The following ATP2B2 variants were observed in gnomAD, a reference collection of about 807,000 sequenced individuals.
ATP2B2 encodes the protein ATPase plasma membrane Ca2+ transporting 2, also known as plasma membrane calcium-transporting ATPase 2.
ATP2B2 carries 15 observed loss-of-function variants against 120.0 expected under a neutral mutation model. The observed-to-expected ratio is 0.12, with a 90% CI of 0.08 to 0.19. The LOEUF is 0.19. Among genes scored for constraint, ATP2B2 ranks in the 10% least tolerant of loss-of-function variants. The pLI, the probability that ATP2B2 is intolerant of heterozygous loss-of-function variation, is 1.00. For missense variants in ATP2B2, 1,045 were observed against 1,719.8 expected (o/e 0.61, Z 6.94); for synonymous variants, 694 against 700.3 (o/e 0.99, Z 0.14).
chr3:10,553,853 G>A (rs921168700), intron 2 of ATP2B2, among the ~76,000 whole-genome samples: 2 of 152,046 alleles, frequency 1.3e-5, no homozygotes, highest in African/African-American at 4.8e-5. Context: ...GCGGCCCTAT[G>A]ACCTCATGAG....
chr3:10,444,096 T>C (rs2063756381), intron 2 of ATP2B2, among the ~76,000 whole-genome samples: 1 of 152,220 alleles, frequency 6.6e-6, no homozygotes, highest in African/African-American at 2.4e-5. Context: ...GACAGAGTCC[T>C]GGGCCTTAGA....
At chr3:10,417,067 G>GGGGGT (rs2062812631) in intron 2 of ATP2B2, among the ~76,000 whole-genome samples, 1 of 136,552 alleles carries the variant, frequency 7.3e-6, no homozygotes, top group African/African-American at 3.5e-5. Flanking sequence ...CCCAGACGGC[G>GGGGGT]GCGGGGGGGG....
intron 12 of ATP2B2, among the ~76,000 whole-genome samples, chr3:10,361,171 G>A (rs1482493382): frequency 2.6e-5 from 4 of 152,144 alleles, no homozygotes; most frequent in Non-Finnish European, 4.4e-5. Context: ...TTGAACCAAT[G>A]GAAACTGCTA....
At chr3:10,679,518 G>C (rs2071330638) in intron 1 of ATP2B2, among the ~76,000 whole-genome samples, 1 of 152,188 alleles carries the variant, frequency 6.6e-6, no homozygotes, top group Non-Finnish European at 1.5e-5. Flanking sequence ...GCTTGAAGGA[G>C]CTTCCAGATC....
intron 16 of ATP2B2, among the ~76,000 whole-genome samples, chr3:10,348,469 CGTG>C (rs1384796089): frequency 6.6e-6 from 1 of 152,238 alleles, no homozygotes; most frequent in African/African-American, 2.4e-5. Context: ...ACGGGGTGCT[CGTG>C]GTGGGCATTG....
intron 2 of ATP2B2, among the ~76,000 whole-genome samples, chr3:10,602,156 C>G (rs2068941267): frequency 6.6e-6 from 1 of 152,186 alleles, no homozygotes; most frequent in South Asian, 2.1e-4. Context: ...GCCTCTGCCC[C>G]CTCCCTGCCC....
At chr3:10,535,810 T>C (rs952008071) in intron 2 of ATP2B2, among the ~76,000 whole-genome samples, 1 of 152,254 alleles carries the variant, frequency 6.6e-6, no homozygotes, top group African/African-American at 2.4e-5. Context: ...TGGGGTATTA[T>C]AAACATTTAT....
In ATP2B2 at chr3:10,402,145, C is replaced by T. The variant is rs984601396; in HGVS notation, c.601G>A (p.Val201Ile). The change falls in exon 4 of 23, where the codon GTC (valine) becomes ATC (isoleucine). Residue 201 changes from valine (V) to isoleucine (I), a missense_variant. This residue lies in a region of ATP2B2 where 35 missense variants were observed against 29.9 expected (regional missense o/e 1.17). Coordinates refer to ENST00000360273, the MANE Select transcript of ATP2B2 (RefSeq NM_001001331.4). The surrounding 1 kb of genome is among the most constrained non-coding windows in gnomAD (Gnocchi z 4.9). ...ACGATCTCAGCCACAGGGATCTGGACCACCTGGCCAGCCCGGACCACGGTA... is the reference window on the plus strand; with the variant it reads ...ACGATCTCAGCCACAGGGATCTGGATCACCTGGCCAGCCCGGACCACGGTA... ...KFTVVRAGQV[V>I]QIPVAEIVVG... 6.2e-7 allele frequency: 1 copy of T among 1,614,212 alleles called. No homozygotes were observed. Among genetic ancestry groups the T allele is most frequent in the Non-Finnish European group, 8.5e-7 (1 of 1,180,044 alleles).
intron 1 of ATP2B2, among the ~76,000 whole-genome samples, 163 bp from the exon 2 acceptor site, chr3:10,450,025 C>T (rs1031619883): frequency 6.6e-6 from 1 of 152,084 alleles, no homozygotes; most frequent in African/African-American, 2.4e-5. Flanking sequence ...ATGCTACTAG[C>T]GCCAACCCAG....
intron 12 of ATP2B2, 136 bp downstream of exon 12, chr3:10,371,673 T>C (rs747038651): frequency 3.6e-4 from 475 of 1,318,776 alleles, no homozygotes; most frequent in Non-Finnish European, 5.0e-4. Context: ...CAGAAACATG[T>C]TGCTTACTAT....
At chr3:10,543,870 C>T (rs2067488320) in intron 2 of ATP2B2, among the ~76,000 whole-genome samples, 1 of 152,016 alleles carries the variant, frequency 6.6e-6, no homozygotes, top group Non-Finnish European at 1.5e-5. Context: ...TCCTGGGTAC[C>T]TGGGACTACA....
chr3:10,551,628 C>G (rs1387607193), intron 2 of ATP2B2, among the ~76,000 whole-genome samples: 4 of 152,214 alleles, frequency 2.6e-5, no homozygotes, highest in Admixed American at 6.5e-5. Context: ...TTTAAGAAAT[C>G]AAGAGTTCAA....
chr3:10,565,343 C>T (rs141901635), intron 2 of ATP2B2, among the ~76,000 whole-genome samples: 26 of 152,240 alleles, frequency 1.7e-4, no homozygotes, highest in African/African-American at 5.3e-4. Flanking sequence ...TGACTGTGTC[C>T]GGGTTTCCCT....
chr3:10,345,262 C>A, intron 18 of ATP2B2, 122 bp downstream of exon 18: 1 of 1,148,874 alleles, frequency 8.7e-7, no homozygotes, highest in Non-Finnish European at 1.2e-6. Context: ...GGTGCTCCAT[C>A]GATGGGTGCC....
At chr3:10,647,765 AAG>A (rs1238881352) in intron 1 of ATP2B2, among the ~76,000 whole-genome samples, 2 of 152,196 alleles carry the variant, frequency 1.3e-5, no homozygotes, top group African/African-American at 2.4e-5. Context: ...GAGGTTTGAG[AAG>A]AGAGAAAAAG....
rs956963853 is a variant in ATP2B2, at chr3:10,347,069, C to T, written c.2405-932G>A. Among the ~76,000 whole-genome samples the T allele has an allele frequency of 2.0e-5, 3 of 152,144 alleles. No homozygotes were observed. Among genetic ancestry groups the T allele is most frequent in the Non-Finnish European group, 2.9e-5 (2 of 68,028 alleles). ...ACCAGTTCCGTCCCCCAGCCATCCCCGGAATGTCGTTTTCCTGCTTCCCCC... is the reference window on the plus strand; with the variant it reads ...ACCAGTTCCGTCCCCCAGCCATCCCTGGAATGTCGTTTTCCTGCTTCCCCC... On this transcript the variant is annotated intron_variant, in intron 16 of 22. Coordinates refer to ENST00000360273, the MANE Select transcript of ATP2B2 (RefSeq NM_001001331.4). The surrounding 1 kb of genome is among the most constrained non-coding windows in gnomAD (Gnocchi z 5.2).
Position 10,449,750 on chromosome 3 carries a change from G to C in ATP2B2, c.-207C>G. On this transcript the variant is annotated 5_prime_UTR_variant, in exon 2 of 23. Coordinates refer to ENST00000360273, the MANE Select transcript of ATP2B2 (RefSeq NM_001001331.4). ...GCTCCAAGAGGTGTCCTCCGGTGTG[G>C]GACGAGGTCCAGGGGCCGGAGGGGC... is the stretch of plus-strand genomic sequence containing the variant. 1 of 656,122 alleles carries C rather than the reference G, an allele frequency of 1.5e-6. No homozygotes were observed. 40.6% of individuals were successfully genotyped at this position (656,122 alleles called of 1,614,324 possible).
intron 1 of ATP2B2, among the ~76,000 whole-genome samples, chr3:10,633,153 GA>G (rs1463886401): frequency 6.6e-6 from 1 of 152,262 alleles, no homozygotes; most frequent in Non-Finnish European, 1.5e-5. Context: ...GACCTTGGAT[GA>G]GTGACTTGAC....
At position 10,402,328 on chromosome 3, in the gene ATP2B2, C is replaced by G. The variant is rs774319358; in HGVS notation, c.418G>C (p.Gly140Arg). The G allele has an allele frequency of 2.5e-6, 4 of 1,613,730 alleles. No homozygotes were observed. Among genetic ancestry groups the G allele is most frequent in the African/African-American group, 2.7e-5 (2 of 74,934 alleles). Residue 140 changes from glycine (G) to arginine (R), a missense_variant, in exon 4 of 23, where the codon GGG becomes CGG. Coordinates refer to ENST00000360273, the MANE Select transcript of ATP2B2 (RefSeq NM_001001331.4). This position sits in a 1 kb window ranked among gnomAD's most constrained non-coding sequence, Gnocchi z 4.9. ...TCTGCCTCTCCTTCATCCTCTGCCC[C>G]ACCCTGGGCCGTCGCACATCCTGAA... ...GNEGCATAQG[G>R]AEDEGEAEAG...
Sources: allele counts gnomAD v4.1 joint callset (sites outside exome capture counted in the v4.1 genomes callset), GRCh38; gene constraint gnomAD v4.1.1; regional missense constraint gnomAD v4.1.1; non-coding constraint Gnocchi (gnomAD v3.1); transcripts MANE v1.5; gene names NCBI Gene and HGNC (gene_info 2026-07-23, HGNC 2026-07-21).